NKAIN2: variants seen among roughly 807,000 people sequenced by gnomAD.
NKAIN2 encodes the protein sodium/potassium transporting ATPase interacting 2.
Under a neutral mutation model 32.6 loss-of-function variants are expected in NKAIN2, and 14 were observed. That is an observed-to-expected ratio of 0.43 (90% CI 0.28 to 0.67). NKAIN2 has a LOEUF of 0.67. Among genes scored for constraint, NKAIN2 ranks in the 30% least tolerant of loss-of-function variants. The pLI is 0.17. For synonymous variants in NKAIN2, 80 were observed against 87.2 expected (o/e 0.92, Z 0.46); for missense variants, 198 against 258.3 (o/e 0.77, Z 1.60).
At chr6:124,591,458 G>A (rs894910927) in intron 3 of NKAIN2, among the ~76,000 whole-genome samples, 31 of 151,996 alleles carry the variant, frequency 2.0e-4, no homozygotes, top group African/African-American at 7.3e-4. Flanking sequence ...TGTTCTTTTG[G>A]GGATATTTCA....
At chr6:123,945,072 A>G (rs529856178) in intron 1 of NKAIN2, among the ~76,000 whole-genome samples, 5 of 152,250 alleles carry the variant, frequency 3.3e-5, no homozygotes, top group African/African-American at 9.6e-5. Flanking sequence ...TAGTTCATAA[A>G]TTGAAGCTAT....
intron 1 of NKAIN2, among the ~76,000 whole-genome samples, chr6:124,241,298 G>A (rs377358001): frequency 4.3e-4 from 66 of 152,204 alleles, no homozygotes; most frequent in African/African-American, 1.5e-3. Context: ...AATCAATATC[G>A]TGAAAATGGC....
chr6:124,335,513 AGCTGAAAT>A (rs1011527294), intron 2 of NKAIN2, among the ~76,000 whole-genome samples: 4 of 152,208 alleles, frequency 2.6e-5, no homozygotes, highest in African/African-American at 9.6e-5. Context: ...GGGATAGGAC[AGCTGAAAT>A]GAGATTAAAG....
At chr6:124,141,689 C>A (rs986516885) in intron 1 of NKAIN2, among the ~76,000 whole-genome samples, 3 of 151,944 alleles carry the variant, frequency 2.0e-5, no homozygotes, top group Non-Finnish European at 4.4e-5. Context: ...TGGTAATCTT[C>A]TCTCATTGCT....
At chr6:124,360,035 T>C (rs1156510096) in intron 3 of NKAIN2, among the ~76,000 whole-genome samples, 1 of 152,224 alleles carries the variant, frequency 6.6e-6, no homozygotes, top group African/African-American at 2.4e-5. Flanking sequence ...GATAATCATG[T>C]GGTTTTTGTC....
chr6:124,815,584 G>C (rs576554695), intron 5 of NKAIN2, among the ~76,000 whole-genome samples: 41 of 150,652 alleles, frequency 2.7e-4, no homozygotes, highest in African/African-American at 1.0e-3. Context: ...ATTTTTTTAA[G>C]TGCAAACTTT....
chr6:124,142,940 T>C (rs532260316), intron 1 of NKAIN2, among the ~76,000 whole-genome samples: 1 of 152,230 alleles, frequency 6.6e-6, no homozygotes, highest in East Asian at 1.9e-4. Flanking sequence ...AAAATAAGGA[T>C]CTAAATCCAG....
At chr6:124,646,793 A>G (rs1034069086) in intron 3 of NKAIN2, among the ~76,000 whole-genome samples, 1 of 152,044 alleles carries the variant, frequency 6.6e-6, no homozygotes, top group Non-Finnish European at 1.5e-5. Context: ...TCTACTAAAA[A>G]TACAAAAATT....
intron 1 of NKAIN2, among the ~76,000 whole-genome samples, chr6:124,111,183 G>T (rs1008669194): frequency 4.6e-5 from 7 of 151,964 alleles, no homozygotes; most frequent in Admixed American, 2.6e-4. Flanking sequence ...TGTGTATTCT[G>T]CTCCTGTTTG....
intron 1 of NKAIN2, among the ~76,000 whole-genome samples, chr6:123,915,297 C>A (rs939683563): frequency 3.3e-5 from 5 of 152,086 alleles, no homozygotes; most frequent in African/African-American, 1.2e-4. Context: ...GATATTTTTC[C>A]AGTCCTGGAA....
intron 3 of NKAIN2, among the ~76,000 whole-genome samples, chr6:124,441,118 T>C (rs535577672): frequency 3.9e-5 from 6 of 152,222 alleles, no homozygotes; most frequent in African/African-American, 1.4e-4. Flanking sequence ...CAGTATATGA[T>C]AGAGCCGTGA....
rs117073860 is a variant in NKAIN2 at position 124,498,082 on chromosome 6, T to A, written c.273+142735T>A. Among the ~76,000 whole-genome samples, 57 of 152,264 alleles carry A rather than the reference T, an allele frequency of 3.7e-4. No individual in the cohort carries two copies. The East Asian group carries it at 9.9e-3, about 26-fold the overall frequency. On this transcript the variant is annotated intron_variant, in intron 3 of 6. Transcript: ENST00000368417. The stretch of plus-strand genomic sequence containing the variant: ...TAGTTGAGAAGAACAGGGTGAGTAA[T>A]ACACCTTCTCATTTTTTAAGCCCAA...
chr6:124,763,236 T>C (rs1247585855), intron 4 of NKAIN2, among the ~76,000 whole-genome samples: 1 of 152,192 alleles, frequency 6.6e-6, no homozygotes, highest in Non-Finnish European at 1.5e-5. Flanking sequence ...ATGGTGACTA[T>C]ATGTATAATA....
intron 5 of NKAIN2, among the ~76,000 whole-genome samples, chr6:124,803,586 A>G (rs543779916): frequency 2.6e-5 from 4 of 152,322 alleles, no homozygotes; most frequent in Admixed American, 2.0e-4. Context: ...TTTTTTCTAC[A>G]GTATGTCACA....
intron 1 of NKAIN2, among the ~76,000 whole-genome samples, chr6:124,039,510 ATTTTG>A (rs1781766961): frequency 6.6e-6 from 1 of 151,796 alleles, no homozygotes; most frequent in Admixed American, 6.6e-5. Context: ...ATTCTACATT[ATTTTG>A]TTTTGAGTTG....
chr6:123,903,184 G>A (rs866844145), intron 1 of NKAIN2, among the ~76,000 whole-genome samples: 32 of 152,202 alleles, frequency 2.1e-4, no homozygotes, highest in African/African-American at 7.2e-4. Flanking sequence ...TGCAGCTGAT[G>A]TCTGTCACGA....
intron 3 of NKAIN2, among the ~76,000 whole-genome samples, chr6:124,365,151 A>C (rs1227782420): frequency 6.6e-6 from 1 of 151,842 alleles, no homozygotes; most frequent in Non-Finnish European, 1.5e-5. Flanking sequence ...GGTCAATAAG[A>C]AAAAAATATC....
rs945067187 is a variant in NKAIN2, at chr6:124,106,410, T to A, written c.55-176595T>A. Among the ~76,000 whole-genome samples, 3 of 152,320 alleles carry A rather than the reference T, an allele frequency of 2.0e-5. No homozygotes were observed. The East Asian group carries it at 5.8e-4, about 29-fold the overall frequency. ...CACTATTATTGTAGTATGTTTTAAT[T>A]AAAGATGAAATAAGATAGAGGTTTG... On this transcript the variant is annotated intron_variant, in intron 1 of 6. Transcript: ENST00000368417.
At chr6:124,706,797 A>C (rs534826712) in intron 4 of NKAIN2, among the ~76,000 whole-genome samples, 1 of 152,304 alleles carries the variant, frequency 6.6e-6, no homozygotes, top group South Asian at 2.1e-4. Flanking sequence ...AAAATAAAAC[A>C]GACTGAATGC....
Sources: allele counts gnomAD v4.1 joint callset (sites outside exome capture counted in the v4.1 genomes callset), GRCh38; gene constraint gnomAD v4.1.1; transcripts MANE v1.5; gene names NCBI Gene and HGNC (gene_info 2026-07-23, HGNC 2026-07-21).